Variants in RPS6KC1 observed in about 807,000 individuals in gnomAD.
RPS6KC1 encodes inactive ribosomal protein S6 kinase delta-1.
A neutral mutation model predicts 103.8 loss-of-function variants in RPS6KC1; 54 were observed. That is an observed-to-expected ratio of 0.52 (90% CI 0.42 to 0.65). RPS6KC1 has a LOEUF of 0.65. Ranked by LOEUF, RPS6KC1 falls within the 30% of genes least tolerant of loss-of-function variation. The probability of loss-of-function intolerance (pLI) is 0.00; values close to 1 mark genes in which losing one functional copy is unlikely to be tolerated. For synonymous variants in RPS6KC1, 439 were observed against 438.7 expected (o/e 1.00, Z -0.01); for missense variants, 1,151 against 1,253.8 (o/e 0.92, Z 1.24).
the RPS6KC1 span, among the ~76,000 whole-genome samples, chr1:213,563,484 ATT>A: frequency 2.4e-4 from 35 of 147,534 alleles, no homozygotes; most frequent in African/African-American, 8.0e-4. Flanking sequence ...TTCTCCAAAG[ATT>A]TTGTTTCCCA....
the RPS6KC1 span, chr1:213,492,213 C>G: frequency 1.3e-5 from 2 of 152,250 alleles, no homozygotes; most frequent in East Asian, 1.9e-4. Flanking sequence ...CTGAATTTTG[C>G]CTGGACCCCA....
the RPS6KC1 span, among the ~76,000 whole-genome samples, chr1:213,444,197 C>T: frequency 6.6e-6 from 1 of 152,110 alleles, no homozygotes; most frequent in Non-Finnish European, 1.5e-5. Flanking sequence ...TGTTGGTGTC[C>T]AAATTTCCCC....
chr1:213,760,293 G>A, the RPS6KC1 span, among the ~76,000 whole-genome samples: 4 of 152,156 alleles, frequency 2.6e-5, no homozygotes, highest in African/African-American at 7.2e-5. Flanking sequence ...TTCATTTACA[G>A]TGGTTAAAAA....
the RPS6KC1 span, among the ~76,000 whole-genome samples, chr1:213,527,889 A>T: frequency 6.6e-6 from 1 of 152,308 alleles, no homozygotes; most frequent in East Asian, 1.9e-4. Context: ...CCATGCTCTT[A>T]TAATAAAGTA....
At chr1:213,823,405 G>T in the RPS6KC1 span, among the ~76,000 whole-genome samples, 1 of 152,162 alleles carries the variant, frequency 6.6e-6, no homozygotes, top group African/African-American at 2.4e-5. Context: ...TTAAGTGAAT[G>T]AATGAATTGA....
At chr1:213,278,943 G>A (rs1234897319), downstream of RPS6KC1, among the ~76,000 whole-genome samples, 1 of 151,900 alleles carries the variant, frequency 6.6e-6, no homozygotes, top group African/African-American at 2.4e-5. Flanking sequence ...GGGACAAAAA[G>A]ACTGTTGTGT....
chr1:213,760,741 G>A, the RPS6KC1 span, among the ~76,000 whole-genome samples: 2 of 151,986 alleles, frequency 1.3e-5, no homozygotes, highest in Non-Finnish European at 2.9e-5. Flanking sequence ...GTAGATATTA[G>A]CCAGATCTTG....
the RPS6KC1 span, among the ~76,000 whole-genome samples, chr1:213,475,328 T>G: frequency 2.0e-5 from 3 of 152,212 alleles, no homozygotes; most frequent in African/African-American, 7.2e-5. Context: ...TCGACTTTTC[T>G]TCATTTGTCC....
the RPS6KC1 span, among the ~76,000 whole-genome samples, chr1:213,627,773 C>T: frequency 2.0e-5 from 3 of 152,130 alleles, no homozygotes; most frequent in Non-Finnish European, 4.4e-5. Context: ...GGCATGAAGC[C>T]CACTTGATCA....
At chr1:213,598,763 C>T in the RPS6KC1 span, among the ~76,000 whole-genome samples, 1 of 151,968 alleles carries the variant, frequency 6.6e-6, no homozygotes, top group Admixed American at 6.6e-5. Flanking sequence ...ACTAAAAATA[C>T]AAAAATTAGC....
intron 8 of RPS6KC1, among the ~76,000 whole-genome samples, chr1:213,182,306 A>C (rs1401309607): frequency 6.6e-6 from 1 of 152,178 alleles, no homozygotes; most frequent in Admixed American, 6.5e-5. Context: ...AGCCTGGCCA[A>C]CATGGTGAAA....
the RPS6KC1 span, among the ~76,000 whole-genome samples, chr1:213,469,879 G>T: frequency 2.6e-5 from 4 of 152,148 alleles, no homozygotes; most frequent in African/African-American, 7.2e-5. Context: ...AATTAGACGA[G>T]TGTGGTGACA....
At chr1:213,655,153 G>A in the RPS6KC1 span, among the ~76,000 whole-genome samples, 93 of 152,160 alleles carry the variant, frequency 6.1e-4, no homozygotes, top group African/African-American at 2.1e-3. Flanking sequence ...AGTGATTTTC[G>A]TGCCTCAGCC....
chr1:213,831,204 A>C, the RPS6KC1 span, among the ~76,000 whole-genome samples: 2 of 152,224 alleles, frequency 1.3e-5, no homozygotes, highest in Non-Finnish European at 2.9e-5. Flanking sequence ...TAATCCCCAG[A>C]ACCTGTGAAG....
chr1:213,324,635 A>G, the RPS6KC1 span, among the ~76,000 whole-genome samples: 1 of 135,360 alleles, frequency 7.4e-6, no homozygotes, highest in African/African-American at 2.8e-5. Context: ...AGATAACCCA[A>G]CGTTTGATGG....
downstream of RPS6KC1, among the ~76,000 whole-genome samples, chr1:213,276,961 C>A (rs895918559): frequency 6.6e-6 from 1 of 152,162 alleles, no homozygotes; most frequent in Non-Finnish European, 1.5e-5. Flanking sequence ...TTATTTGACT[C>A]AGTCCTTTGG....
the RPS6KC1 span, among the ~76,000 whole-genome samples, chr1:213,798,110 T>A: frequency 6.6e-6 from 1 of 152,212 alleles, no homozygotes; most frequent in Admixed American, 6.5e-5. Context: ...GAGACCAGGC[T>A]GCAACTGTGC....
chr1:213,104,963 TA>T (rs888221579), intron 4 of RPS6KC1, among the ~76,000 whole-genome samples: 1 of 151,734 alleles, frequency 6.6e-6, no homozygotes, highest in African/African-American at 2.4e-5. Flanking sequence ...TGAAATACAT[TA>T]AAAAAAATGA....
chr1:213,648,487 G>T, the RPS6KC1 span, among the ~76,000 whole-genome samples: 1 of 152,022 alleles, frequency 6.6e-6, no homozygotes, highest in South Asian at 2.1e-4. Context: ...AAGTTTCCTG[G>T]TGACATTCCA....
Sources: gnomAD v4.1 joint callset for allele counts (sites outside exome capture counted in the v4.1 genomes callset) on GRCh38, gnomAD v4.1.1 for gene constraint, MANE v1.5 for transcripts, NCBI Gene and HGNC (gene_info 2026-07-23, HGNC 2026-07-21) for gene names.